PARD3B: variants seen among roughly 807,000 people sequenced by gnomAD.
PARD3B encodes partitioning defective 3 homolog B.
PARD3B carries 103 observed loss-of-function variants against 130.2 expected under a neutral mutation model. The ratio of observed to expected loss-of-function variants is 0.79; its 90% CI spans 0.67 to 0.93. The LOEUF (loss-of-function observed/expected upper bound fraction) is 0.93. PARD3B is among the 40% of genes least tolerant of loss of function. The pLI, the probability that PARD3B is intolerant of heterozygous loss-of-function variation, is 0.00. For synonymous variants in PARD3B, 583 were observed against 553.2 expected (o/e 1.05, Z -0.76); for missense variants, 1,609 against 1,499.2 (o/e 1.07, Z -1.21).
rs1294743739 is a variant in PARD3B, at chr2:205,405,197, A to G, written c.2741+4074A>G. 1.3e-5 allele frequency among the ~76,000 whole-genome samples: 2 copies of G among 152,152 alleles called. No individual in the cohort carries two copies. Among genetic ancestry groups the G allele is most frequent in the Non-Finnish European group, 2.9e-5 (2 of 68,038 alleles). On this transcript the variant is annotated intron_variant, in intron 19 of 22. Coordinates refer to ENST00000406610, the MANE Select transcript of PARD3B (RefSeq NM_001302769.2). The surrounding 1 kb of genome is among the most constrained non-coding windows in gnomAD (Gnocchi z 4.1). ...GCAGAGTCTAGAACAGTGGTTCTCAATGGGAGGGGGCAGTTTTACCACAAG... is the reference window on the plus strand; with the variant it reads ...GCAGAGTCTAGAACAGTGGTTCTCAGTGGGAGGGGGCAGTTTTACCACAAG...
intron 18 of PARD3B, among the ~76,000 whole-genome samples, chr2:205,380,085 T>C (rs1372094684): frequency 7.4e-6 from 1 of 134,496 alleles, no homozygotes; most frequent in Non-Finnish European, 1.5e-5. Flanking sequence ...AAAAAAAATA[T>C]GTATATATAT....
chr2:204,981,017 C>T (rs1692620958), intron 3 of PARD3B, among the ~76,000 whole-genome samples: 1 of 152,098 alleles, frequency 6.6e-6, no homozygotes, highest in East Asian at 1.9e-4. Context: ...ACTATCTTTG[C>T]AAGTTATAAA....
At chr2:204,682,369 G>A (rs2036875007) in intron 1 of PARD3B, among the ~76,000 whole-genome samples, 1 of 152,150 alleles carries the variant, frequency 6.6e-6, no homozygotes. Flanking sequence ...TCATCTGTAA[G>A]ATGGATTAAC....
At chr2:204,944,716 GA>G (rs1189913657) in intron 2 of PARD3B, among the ~76,000 whole-genome samples, 1 of 152,128 alleles carries the variant, frequency 6.6e-6, no homozygotes, top group African/African-American at 2.4e-5. Context: ...GCTTTATTTT[GA>G]AAAGGTTTGC....
chr2:205,201,533 T>G (rs546154499), intron 15 of PARD3B, among the ~76,000 whole-genome samples: 2 of 152,340 alleles, frequency 1.3e-5, no homozygotes, highest in South Asian at 4.1e-4. Flanking sequence ...TTAATATGAT[T>G]ATGTCATTAA....
Position 205,341,325 on chromosome 2 carries a change from G to T in PARD3B, c.2630+39624G>T, listed in dbSNP as rs1005676431. ...ATGCATCACTGTTCACAATAGCTAA[G>T]ATATGGAATCAACCAAAATGTCCAT... On this transcript the variant is annotated intron_variant, in intron 18 of 22. Transcript: ENST00000406610. The surrounding 1 kb of genome is among the most constrained non-coding windows in gnomAD (Gnocchi z 4.3). Among the ~76,000 whole-genome samples the T allele has an allele frequency of 1.3e-5, 2 of 152,034 alleles. No homozygotes were observed. The highest frequency in any genetic ancestry group is 4.8e-5 in the African/African-American group (2 of 41,400).
intron 2 of PARD3B, among the ~76,000 whole-genome samples, chr2:204,751,335 A>C (rs184152914): frequency 1.9e-3 from 290 of 152,302 alleles, no homozygotes; most frequent in African/African-American, 6.9e-3. Flanking sequence ...AAAAACACAA[A>C]AAAATGCTTT....
chr2:205,348,354 A>G (rs2043871697), intron 18 of PARD3B, among the ~76,000 whole-genome samples: 2 of 152,218 alleles, frequency 1.3e-5, no homozygotes, highest in Non-Finnish European at 2.9e-5. Flanking sequence ...TCAATGTTTC[A>G]GCAACATGTG....
intron 3 of PARD3B, among the ~76,000 whole-genome samples, chr2:205,009,440 G>C (rs1447960710): frequency 6.6e-6 from 1 of 152,088 alleles, no homozygotes; most frequent in African/African-American, 2.4e-5. Context: ...GGGAGGCAGA[G>C]GCGGGTGGAT....
chr2:204,700,168 T>A lies in PARD3B; in HGVS notation c.222+13886T>A, dbSNP rs181546071. On this transcript the variant is annotated intron_variant, in intron 2 of 22. Transcript: ENST00000406610. The stretch of plus-strand genomic sequence containing the variant: ...AATTAGATTTATTGAGATGAATACT[T>A]CAAAGGCTGTTCCCTGGTATCTTAA... 3.8e-3 allele frequency among the ~76,000 whole-genome samples: 574 copies of A among 152,242 alleles called. 3 individuals carry two copies. The highest frequency in any genetic ancestry group is 0.013 in the African/African-American group (558 of 41,556).
intron 1 of PARD3B, among the ~76,000 whole-genome samples, chr2:204,636,313 A>G (rs1236878406): frequency 6.6e-6 from 1 of 152,104 alleles, no homozygotes; most frequent in Non-Finnish European, 1.5e-5. Flanking sequence ...CGCTGTCTTC[A>G]TAACCTGGAA....
rs2036187439 is a variant in PARD3B at position 205,187,901 on chromosome 2, T to C, written c.2024+2038T>C. Among the ~76,000 whole-genome samples the C allele has an allele frequency of 1.3e-5, 2 of 152,222 alleles. No individual in the cohort carries two copies. Among genetic ancestry groups the C allele is most frequent in the Non-Finnish European group, 2.9e-5 (2 of 68,044 alleles). The stretch of plus-strand genomic sequence containing the variant: ...CAAAAGTATGACGTTGTCTTAGACT[T>C]CATTCTTCTTTTCCACTCTGCAGTA... On this transcript the variant is annotated intron_variant, in intron 14 of 22. Transcript: ENST00000406610. The surrounding 1 kb of genome is among the most constrained non-coding windows in gnomAD (Gnocchi z 4.9).
At chr2:204,991,808 T>C (rs975747330) in intron 3 of PARD3B, among the ~76,000 whole-genome samples, 2 of 151,758 alleles carry the variant, frequency 1.3e-5, no homozygotes, top group African/African-American at 4.8e-5. Flanking sequence ...GGTTTTGATT[T>C]GCATTTCTCT....
intron 2 of PARD3B, among the ~76,000 whole-genome samples, chr2:204,800,729 G>C (rs2042538011): frequency 6.6e-6 from 1 of 152,104 alleles, no homozygotes; most frequent in East Asian, 1.9e-4. Flanking sequence ...GATCCCATTT[G>C]TCAATTTTGG....
intron 1 of PARD3B, among the ~76,000 whole-genome samples, chr2:204,636,258 GA>G (rs2034871081): frequency 6.6e-6 from 1 of 152,078 alleles, no homozygotes. Flanking sequence ...TACCTCTGGG[GA>G]GATATATAAC....
chr2:205,125,782 T>G lies in PARD3B; in HGVS notation c.1434+45T>G. The G allele has an allele frequency of 6.2e-7, 1 of 1,606,996 alleles. No individual in the cohort carries two copies. The highest frequency in any genetic ancestry group is 8.5e-7 in the Non-Finnish European group (1 of 1,175,568). On this transcript the variant is annotated intron_variant, in intron 10 of 22. Coordinates refer to ENST00000406610, the MANE Select transcript of PARD3B (RefSeq NM_001302769.2). The surrounding 1 kb of genome is among the most constrained non-coding windows in gnomAD (Gnocchi z 4.0). ...CTCACTGAATTTTTAATGCCGAGCTTAATACACTCAATGAACTCATTATAG... is the reference window on the plus strand; with the variant it reads ...CTCACTGAATTTTTAATGCCGAGCTGAATACACTCAATGAACTCATTATAG...
chr2:205,384,628 C>A (rs1421152366), intron 18 of PARD3B, among the ~76,000 whole-genome samples: 1 of 152,078 alleles, frequency 6.6e-6, no homozygotes, highest in African/African-American at 2.4e-5. Context: ...CACGGCAAAG[C>A]CTGAGGTTAA....
At position 205,176,251 on chromosome 2, in the gene PARD3B, G is replaced by C. The variant is rs771842106; in HGVS notation, c.1792-194G>C. 6.6e-6 allele frequency among the ~76,000 whole-genome samples: 1 copy of C among 152,176 alleles called. No individual in the cohort carries two copies. The highest frequency in any genetic ancestry group is 1.5e-5 in the Non-Finnish European group (1 of 68,022). On this transcript the variant is annotated intron_variant, in intron 12 of 22. Coordinates refer to ENST00000406610, the MANE Select transcript of PARD3B (RefSeq NM_001302769.2). The surrounding 1 kb of genome is among the most constrained non-coding windows in gnomAD (Gnocchi z 5.3). ...AGCACTCCTAATCCTTAGCACCACA[G>C]TGTCAGTACTTTTTATTTTAGACTC...
intron 4 of PARD3B, among the ~76,000 whole-genome samples, chr2:205,066,971 C>T (rs575465784): frequency 5.9e-4 from 90 of 151,976 alleles, no homozygotes; most frequent in Non-Finnish European, 1.0e-3. Context: ...GGAGGTTGTG[C>T]ACCTGAACAA....
Sources: gnomAD v4.1 joint callset for allele counts (sites outside exome capture counted in the v4.1 genomes callset) on GRCh38, gnomAD v4.1.1 for gene constraint, Gnocchi (gnomAD v3.1) non-coding constraint, MANE v1.5 for transcripts, NCBI Gene and HGNC (gene_info 2026-07-23, HGNC 2026-07-21) for gene names.